The following FKBP5 variants were observed in gnomAD, a reference collection of about 807,000 sequenced individuals.
The protein encoded by FKBP5 is FKBP prolyl isomerase 5, also known as peptidyl-prolyl cis-trans isomerase FKBP5.
Under a neutral mutation model 50.5 loss-of-function variants are expected in FKBP5, and 23 were observed. The ratio of observed to expected loss-of-function variants is 0.46; its 90% CI spans 0.33 to 0.65. The LOEUF (loss-of-function observed/expected upper bound fraction) is 0.65, where lower values mean the gene tolerates loss of function less well. FKBP5 is among the 30% of genes least tolerant of loss of function. The pLI is 0.02. For synonymous variants in FKBP5, 176 were observed against 190.6 expected, an observed-to-expected ratio of 0.92 and a Z score of 0.63; for missense variants, 411 against 553.1, an observed-to-expected ratio of 0.74 and a Z score of 2.58.
intron 6 of FKBP5, among the ~76,000 whole-genome samples, 182 bp from the exon 7 acceptor site, chr6:35,591,402 T>C (rs867047179): frequency 6.6e-6 from 1 of 152,242 alleles, no homozygotes; most frequent in African/African-American, 2.4e-5. Context: ...TACAGTTTTC[T>C]TAGAAACCAG....
chr6:35,580,964 C>T (rs1317192619), intron 8 of FKBP5: 1 of 985,310 alleles, frequency 1.0e-6, no homozygotes, highest in Admixed American at 6.1e-5. Flanking sequence ...AGTGCTAGTT[C>T]CAAACACAGC....
In FKBP5 at chr6:35,618,190, G is replaced by C. The variant is rs2150976706; in HGVS notation, c.508+906C>G. On this transcript the variant is annotated intron_variant, in intron 5 of 10. Coordinates refer to ENST00000357266, the MANE Select transcript of FKBP5 (RefSeq NM_004117.4). ...CCTCTTAAGGTTGTGAGAAATAAAT[G>C]AACAAACATATCAGGCAACTAATAT... 2.0e-5 allele frequency among the ~76,000 whole-genome samples: 3 copies of C among 152,238 alleles called. No individual in the cohort carries two copies. In the Middle Eastern group the frequency reaches 0.01, roughly 518 times the overall value.
chr6:35,578,768 CAAA>C lies in FKBP5; in HGVS notation c.1026+1265_1026+1267del, dbSNP rs11376572. Among the ~76,000 whole-genome samples, 417 of 134,912 alleles carry C rather than the reference CAAA, an allele frequency of 3.1e-3. 1 individual carries two copies. Among genetic ancestry groups the C allele is most frequent in the African/African-American group, 8.3e-3 (298 of 35,748 alleles). The allele number at this position is 134,912 out of a possible 152,430, so 88.5% of individuals were successfully genotyped here. On this transcript the variant is annotated intron_variant, in intron 9 of 10. Transcript: ENST00000357266. The stretch of plus-strand genomic sequence containing the variant: ...GGGTAACAGAGAAAGACTCCATCTC[CAAA>C]AAAAAAAAAAAGAGGAAAATAAGGA...
In FKBP5 at chr6:35,587,066, T is replaced by C. The variant is rs759065617; in HGVS notation, c.808A>G (p.Ile270Val). 3.7e-6 allele frequency: 6 copies of C among 1,614,126 alleles called. No homozygotes were observed. The highest frequency in any genetic ancestry group is 4.5e-5 in the East Asian group (2 of 44,888). Residue 270 changes from isoleucine (I) to valine (V), a missense_variant, in exon 8 of 11, where the codon ATT becomes GTT. Coordinates refer to ENST00000357266, the MANE Select transcript of FKBP5 (RefSeq NM_004117.4). Reference protein sequence around the residue: ...DTKEKLEQAAIVKEKGTVYFK... With the variant: ...DTKEKLEQAAVVKEKGTVYFK... ...TATACGGTTCCCTTCTCTTTGACAA[T>C]GGCAGCCTGCTCCAATTTTTCTTTG...
At chr6:35,668,145 G>A (rs1223874388) in intron 1 of FKBP5, among the ~76,000 whole-genome samples, 1 of 152,178 alleles carries the variant, frequency 6.6e-6, no homozygotes, top group African/African-American at 2.4e-5. Context: ...AATCCTCTAT[G>A]GCAACAGCAG....
At chr6:35,712,632 C>T (rs1316542493) in intron 2 of FKBP5, among the ~76,000 whole-genome samples, 4 of 152,110 alleles carry the variant, frequency 2.6e-5, no homozygotes, top group Non-Finnish European at 5.9e-5. Context: ...CTCAGAGATC[C>T]GAGGGCTGTC....
chr6:35,724,994 T>C (rs1766676025), intron 1 of FKBP5, among the ~76,000 whole-genome samples: 1 of 152,176 alleles, frequency 6.6e-6, no homozygotes, highest in Non-Finnish European at 1.5e-5. Flanking sequence ...TTCCAAACGC[T>C]GTTGGGGGTT....
chr6:35,633,250 A>C (rs1264756829), intron 3 of FKBP5, among the ~76,000 whole-genome samples: 1 of 152,120 alleles, frequency 6.6e-6, no homozygotes, highest in East Asian at 1.9e-4. Flanking sequence ...AAATATAAGT[A>C]TAAAACTATA....
intron 8 of FKBP5, chr6:35,583,706 C>T: frequency 1.1e-6 from 1 of 924,150 alleles, no homozygotes; most frequent in Non-Finnish European, 1.3e-6. Context: ...CACAAGACAG[C>T]CCCACACAAT....
At chr6:35,589,127 TA>T (rs1259008420) in intron 7 of FKBP5, among the ~76,000 whole-genome samples, 88 of 120,916 alleles carry the variant, frequency 7.3e-4, no homozygotes, top group Admixed American at 2.5e-3. Context: ...TATATATATA[TA>T]TTTTTTTTTT....
intron 2 of FKBP5, among the ~76,000 whole-genome samples, chr6:35,711,371 A>G (rs1227491071): frequency 6.6e-6 from 1 of 151,356 alleles, no homozygotes; most frequent in Non-Finnish European, 1.5e-5. Flanking sequence ...TAATCCTAAC[A>G]GTTTGGGAGG....
At chr6:35,632,992 G>A (rs1333114884) in intron 3 of FKBP5, among the ~76,000 whole-genome samples, 1 of 152,048 alleles carries the variant, frequency 6.6e-6, no homozygotes, top group African/African-American at 2.4e-5. Context: ...GGTATAGCTT[G>A]AATTTGTGTA....
chr6:35,700,722 C>T lies in FKBP5; in HGVS notation c.-20+19606G>A, dbSNP rs574628030. On this transcript the variant is annotated intron_variant, in intron 2 of 11. Coordinates refer to the FKBP5 transcript ENST00000536438. ...CCTGCAATCCCAGCACTTTGGGAGG[C>T]CGAGGTGGGCGGATCACCTGAGGTC... Among the ~76,000 whole-genome samples, 681 of 152,288 alleles carry T rather than the reference C, an allele frequency of 4.5e-3. 4 individuals carry two copies. The highest frequency in any genetic ancestry group is 6.4e-3 in the Non-Finnish European group (432 of 68,020).
At chr6:35,701,266 C>T (rs1223938517) in intron 2 of FKBP5, among the ~76,000 whole-genome samples, 11 of 142,276 alleles carry the variant, frequency 7.7e-5, no homozygotes, top group African/African-American at 2.6e-4. Context: ...TTTTTTGAGA[C>T]GGAGTCTCGC....
chr6:35,692,778 G>C (rs1766012696), upstream of FKBP5, among the ~76,000 whole-genome samples: 1 of 128,416 alleles, frequency 7.8e-6, no homozygotes, highest in Non-Finnish European at 1.6e-5. Context: ...GTGACAGAGT[G>C]AGACTCTGTC....
At chr6:35,656,013 G>A (rs774818267) in intron 1 of FKBP5, among the ~76,000 whole-genome samples, 12 of 152,174 alleles carry the variant, frequency 7.9e-5, no homozygotes, top group Non-Finnish European at 1.6e-4. Context: ...ACTAGCAACT[G>A]GAGGAAGAGA....
chr6:35,699,692 A>C (rs1402163365), intron 2 of FKBP5, among the ~76,000 whole-genome samples: 1 of 152,210 alleles, frequency 6.6e-6, no homozygotes, highest in Non-Finnish European at 1.5e-5. Context: ...GAGACAAGTT[A>C]TCCACTCCCC....
At chr6:35,670,417 TA>T (rs934156295) in intron 1 of FKBP5, among the ~76,000 whole-genome samples, 2 of 152,148 alleles carry the variant, frequency 1.3e-5, no homozygotes, top group African/African-American at 4.8e-5. Flanking sequence ...ATAACTATCA[TA>T]AAAAATTAAC....
chr6:35,629,597 C>T (rs1331130239), intron 3 of FKBP5, among the ~76,000 whole-genome samples: 1 of 152,182 alleles, frequency 6.6e-6, no homozygotes, highest in Non-Finnish European at 1.5e-5. Context: ...CTCTGCCAGA[C>T]TAAATTGTTA....
Sources: gnomAD v4.1 joint callset for allele counts (sites outside exome capture counted in the v4.1 genomes callset) on GRCh38, gnomAD v4.1.1 for gene constraint, MANE v1.5 for transcripts, NCBI Gene and HGNC (gene_info 2026-07-23, HGNC 2026-07-21) for gene names.